ANKRD10: variants seen among roughly 807,000 people sequenced by gnomAD.
ANKRD10 encodes ankyrin repeat domain-containing protein 10.
In ANKRD10, 14 loss-of-function variants were observed where a neutral mutation model predicts 27.0. That is an observed-to-expected ratio of 0.52 (90% CI 0.34 to 0.81). ANKRD10 has a LOEUF of 0.81. ANKRD10 is among the 40% of genes least tolerant of loss of function. The pLI is 0.01. For missense variants in ANKRD10, 493 were observed against 544.0 expected, an observed-to-expected ratio of 0.91 and a Z score of 0.93; for synonymous variants, 250 against 224.5, an observed-to-expected ratio of 1.11 and a Z score of -1.01.
In ANKRD10 at chr13:110,893,021, G is replaced by A. The variant is rs1325475589; in HGVS notation, c.691+7C>T. On this transcript the variant is annotated splice_region_variant and intron_variant, in intron 4 of 5. Transcript: ENST00000267339. ...GTGTGCTCTTCCCACCCGCAAAGCG[G>A]TCTCACCTTCAGTTCTAGCTTTCTT... The A allele has an allele frequency of 5.0e-6, 8 of 1,613,584 alleles. No homozygotes were observed. Among genetic ancestry groups the A allele is most frequent in the Middle Eastern group, 1.7e-4 (1 of 6,060 alleles).
At chr13:110,888,190 G>A (rs1047923692) in intron 4 of ANKRD10, among the ~76,000 whole-genome samples, 1 of 150,940 alleles carries the variant, frequency 6.6e-6, no homozygotes. Context: ...CTGGGGGTTT[G>A]GCTCAAATAA....
At chr13:110,901,568 T>C (rs537898997) in intron 3 of ANKRD10, among the ~76,000 whole-genome samples, 2 of 152,358 alleles carry the variant, frequency 1.3e-5, no homozygotes, top group South Asian at 2.1e-4. Context: ...ATCAAGCTGC[T>C]ATGAAAAACA....
chr13:110,880,606 T>C (rs1181634788), intron 5 of ANKRD10, among the ~76,000 whole-genome samples: 1 of 152,190 alleles, frequency 6.6e-6, no homozygotes, highest in Non-Finnish European at 1.5e-5. Flanking sequence ...CTTTGAACTA[T>C]GTATGACAGC....
chr13:110,909,277 T>C (rs979600421), intron 2 of ANKRD10, among the ~76,000 whole-genome samples: 6 of 152,244 alleles, frequency 3.9e-5, no homozygotes, highest in African/African-American at 1.4e-4. Flanking sequence ...AACTGTATTT[T>C]ACTGATAAAG....
At chr13:110,914,694 G>A (rs547353453) in intron 1 of ANKRD10, 31 bp downstream of exon 1, 3 of 1,540,076 alleles carry the variant, frequency 1.9e-6, no homozygotes, top group Admixed American at 1.9e-5. Flanking sequence ...GACAGCCGGG[G>A]AAAATGGCGC....
At chr13:110,904,452 T>C (rs1157084020) in intron 3 of ANKRD10, 1 of 152,166 alleles carries the variant, frequency 6.6e-6, no homozygotes, top group Non-Finnish European at 1.5e-5. Flanking sequence ...AAGCTATCCA[T>C]AAAATGAATA....
chr13:110,902,364 G>GTAAA (rs1407533830), intron 3 of ANKRD10, among the ~76,000 whole-genome samples: 3 of 78,720 alleles, frequency 3.8e-5, no homozygotes, highest in Non-Finnish European at 1.0e-4. Flanking sequence ...GGGCTCTATG[G>GTAAA]TAAACAAAGG....
chr13:110,893,704 G>A (rs2065144240), intron 3 of ANKRD10, among the ~76,000 whole-genome samples: 1 of 152,184 alleles, frequency 6.6e-6, no homozygotes, highest in South Asian at 2.1e-4. Flanking sequence ...ACAAAGCAAT[G>A]GCTCACCAAC....
rs201341958 is a variant in ANKRD10 at position 110,883,762 on chromosome 13, C to T, written c.723G>A (p.Thr241=). The change falls in exon 5 of 6, where the codon ACG becomes ACA. Residue 241 remains threonine, a synonymous_variant. Coordinates refer to ENST00000267339, the MANE Select transcript of ANKRD10 (RefSeq NM_017664.4). ...CAGCATCGTCTTCTGTGTCGCCATT[C>T]GTGAGTGGCACGGCAGAATCCAAGC... ...AQSLDSAVPL[T]NGDTEDDADK... 5.7e-5 allele frequency: 92 copies of T among 1,614,036 alleles called. No homozygotes were observed. Among genetic ancestry groups the T allele is most frequent in the Non-Finnish European group, 7.2e-5 (85 of 1,180,020 alleles).
intron 5 of ANKRD10, among the ~76,000 whole-genome samples, chr13:110,880,324 A>G (rs1566443292): frequency 6.6e-6 from 1 of 152,246 alleles, no homozygotes; most frequent in African/African-American, 2.4e-5. Context: ...TAGGAAAATC[A>G]TGTGTGTGTC....
intron 1 of ANKRD10, among the ~76,000 whole-genome samples, chr13:110,914,118 G>A (rs1169185915): frequency 6.6e-6 from 1 of 152,160 alleles, no homozygotes; most frequent in African/African-American, 2.4e-5. Flanking sequence ...CTGGAGAGCC[G>A]GCCTCCATCC....
intron 3 of ANKRD10, chr13:110,895,293 A>C (rs1464827049): frequency 6.6e-6 from 1 of 152,250 alleles, no homozygotes; most frequent in African/African-American, 2.4e-5. Context: ...TAGAATCATA[A>C]ATACCATGCT....
chr13:110,892,800 T>G, intron 4 of ANKRD10: 1 of 1,273,992 alleles, frequency 7.8e-7, no homozygotes, highest in East Asian at 3.0e-5. Context: ...AAGTTCCACA[T>G]AGACATTTAC....
At chr13:110,880,533 C>T (rs1268201321) in intron 5 of ANKRD10, among the ~76,000 whole-genome samples, 4 of 151,832 alleles carry the variant, frequency 2.6e-5, no homozygotes, top group African/African-American at 9.7e-5. Flanking sequence ...CAACAGAACA[C>T]AAACTTCTCT....
At chr13:110,880,376 A>G (rs150487686) in intron 5 of ANKRD10, among the ~76,000 whole-genome samples, 42 of 152,316 alleles carry the variant, frequency 2.8e-4, no homozygotes, top group African/African-American at 9.9e-4. Flanking sequence ...AAGCTGACAA[A>G]TACACTGCAT....
chr13:110,890,850 A>G (rs1402480581), intron 4 of ANKRD10, among the ~76,000 whole-genome samples: 1 of 152,246 alleles, frequency 6.6e-6, no homozygotes, highest in Non-Finnish European at 1.5e-5. Flanking sequence ...TGGTCAACCA[A>G]AACAAATCCT....
intron 2 of ANKRD10, among the ~76,000 whole-genome samples, chr13:110,910,226 T>A (rs2138892293): frequency 6.6e-6 from 1 of 152,362 alleles, no homozygotes; most frequent in South Asian, 2.1e-4. Flanking sequence ...TATCTGAAGC[T>A]CACTTTGGAG....
chr13:110,884,203 C>T (rs533478247), intron 4 of ANKRD10, among the ~76,000 whole-genome samples: 54 of 140,604 alleles, frequency 3.8e-4, no homozygotes, highest in African/African-American at 1.3e-3. Flanking sequence ...AAAAAATCCA[C>T]TATTTCCATT....
chr13:110,893,130 C>T lies in ANKRD10; in HGVS notation c.589G>A (p.Gly197Ser). 6.2e-7 allele frequency: 1 copy of T among 1,614,118 alleles called. No homozygotes were observed. Among genetic ancestry groups the T allele is most frequent in the Non-Finnish European group, 8.5e-7 (1 of 1,180,022 alleles). ...HFYNNGILNG[G>S]HQNVFPNHIS... The stretch of plus-strand genomic sequence containing the variant: ...TGATTAGGAAATACATTCTGATGAC[C>T]CCCATTTAAGATGCCATTGTTATAG... The change falls in exon 4 of 6, where the codon GGT (glycine) becomes AGT (serine). Residue 197 changes from glycine to serine, a missense_variant. By Grantham distance (56) the Gly-to-Ser change is moderately conservative. Transcript: ENST00000267339.
Sources: gnomAD v4.1 joint callset for allele counts (sites outside exome capture counted in the v4.1 genomes callset) on GRCh38, gnomAD v4.1.1 for gene constraint, MANE v1.5 for transcripts, NCBI Gene and HGNC (gene_info 2026-07-23, HGNC 2026-07-21) for gene names.